ROBO2: variants seen among roughly 807,000 people sequenced by gnomAD.
The protein encoded by ROBO2 is roundabout homolog 2.
ROBO2 carries 53 observed loss-of-function variants against 160.8 expected under a neutral mutation model. The ratio of observed to expected loss-of-function variants is 0.33; its 90% CI spans 0.26 to 0.41. ROBO2 has a LOEUF of 0.41. Ranked by LOEUF, ROBO2 falls within the 10% of genes least tolerant of loss-of-function variation. The pLI is 1.00. For missense variants in ROBO2, 1,577 were observed against 1,722.4 expected, an observed-to-expected ratio of 0.92 and a Z score of 1.49; for synonymous variants, 664 against 611.7, an observed-to-expected ratio of 1.09 and a Z score of -1.26.
At chr3:76,217,494 C>G (rs937434789) in intron 2 of ROBO2, among the ~76,000 whole-genome samples, 1 of 152,074 alleles carries the variant, frequency 6.6e-6, no homozygotes, top group African/African-American at 2.4e-5. Flanking sequence ...ACCACCGATC[C>G]CACAGAAATA....
intron 2 of ROBO2, among the ~76,000 whole-genome samples, chr3:76,977,196 T>C (rs2059857764): frequency 6.6e-6 from 1 of 152,200 alleles, no homozygotes; most frequent in Admixed American, 6.5e-5. Flanking sequence ...TGTTGGCAGC[T>C]CATGATATAA....
chr3:77,502,390 A>G (rs1358739412), intron 5 of ROBO2, among the ~76,000 whole-genome samples: 1 of 152,206 alleles, frequency 6.6e-6, no homozygotes, highest in Non-Finnish European at 1.5e-5. Context: ...TATTATGTCA[A>G]ATAAAGAAGT....
chr3:77,459,712 G>A (rs1330037274), intron 2 of ROBO2, among the ~76,000 whole-genome samples: 2 of 152,094 alleles, frequency 1.3e-5, no homozygotes, highest in Non-Finnish European at 2.9e-5. Context: ...TAAAAGAACA[G>A]GAGAGGTGTA....
At chr3:76,283,497 C>T (rs1408172901) in intron 2 of ROBO2, among the ~76,000 whole-genome samples, 1 of 151,798 alleles carries the variant, frequency 6.6e-6, no homozygotes, top group Non-Finnish European at 1.5e-5. Flanking sequence ...CGTAAACAAC[C>T]TCAATCTTAA....
chr3:76,636,566 C>T (rs2090344305), intron 2 of ROBO2, among the ~76,000 whole-genome samples: 1 of 152,112 alleles, frequency 6.6e-6, no homozygotes, highest in South Asian at 2.1e-4. Flanking sequence ...CAGCAATGGT[C>T]CAAATTCACT....
intron 2 of ROBO2, among the ~76,000 whole-genome samples, chr3:76,223,728 C>T (rs1704121111): frequency 6.6e-6 from 1 of 152,160 alleles, no homozygotes; most frequent in Non-Finnish European, 1.5e-5. Flanking sequence ...AAGGCTCTCA[C>T]TCAGGGCACA....
chr3:77,188,880 T>C (rs1302686095), intron 2 of ROBO2, among the ~76,000 whole-genome samples: 1 of 151,682 alleles, frequency 6.6e-6, no homozygotes, highest in East Asian at 1.9e-4. Flanking sequence ...CAATGCTTGG[T>C]AGGAAATGAT....
intron 2 of ROBO2, among the ~76,000 whole-genome samples, chr3:76,747,584 T>A (rs1434855740): frequency 3.3e-5 from 5 of 151,890 alleles, no homozygotes; most frequent in Admixed American, 3.3e-4. Flanking sequence ...GGCAGTTGAG[T>A]CTATTCAAAA....
At chr3:77,177,750 A>C (rs1403451824) in intron 2 of ROBO2, among the ~76,000 whole-genome samples, 1 of 151,992 alleles carries the variant, frequency 6.6e-6, no homozygotes, top group Non-Finnish European at 1.5e-5. Context: ...TTTTTAATCA[A>C]TAGGCAAAAG....
At chr3:76,806,212 T>C (rs936817240) in intron 2 of ROBO2, among the ~76,000 whole-genome samples, 6 of 104,398 alleles carry the variant, frequency 5.7e-5, no homozygotes, top group Non-Finnish European at 9.4e-5. Flanking sequence ...ATTTTCTGTG[T>C]GCGTGTGTGT....
At chr3:76,618,421 G>A (rs2109198473) in intron 2 of ROBO2, among the ~76,000 whole-genome samples, 1 of 150,272 alleles carries the variant, frequency 6.7e-6, no homozygotes, top group South Asian at 2.1e-4. Context: ...AAAAAATTCA[G>A]GACATAGGAA....
intron 2 of ROBO2, among the ~76,000 whole-genome samples, chr3:76,999,811 G>A (rs1191270256): frequency 2.0e-5 from 3 of 152,202 alleles, no homozygotes; most frequent in Admixed American, 1.3e-4. Context: ...TTTGTAAGTA[G>A]GTACTTTCCA....
At position 77,249,076 on chromosome 3, in the gene ROBO2, T is replaced by G. The variant is rs565701088; in HGVS notation, c.388+150736T>G. On this transcript the variant is annotated intron_variant, in intron 2 of 25. Coordinates refer to ENST00000461745, the Ensembl canonical transcript of ROBO2. ...CATGTTGGCCAGGCTGGTCTCAAAC[T>G]CCCGACCTCAGGTGATCCACCAGCC... Among the ~76,000 whole-genome samples the G allele has an allele frequency of 5.3e-5, 8 of 152,108 alleles. No individual in the cohort carries two copies. In the South Asian group the frequency reaches 1.5e-3, roughly 28 times the overall value.
intron 2 of ROBO2, among the ~76,000 whole-genome samples, chr3:77,240,379 G>C (rs542383899): frequency 6.6e-6 from 1 of 152,134 alleles, no homozygotes; most frequent in Non-Finnish European, 1.5e-5. Context: ...CGCCCGCTCC[G>C]AGTGGGCCCG....
intron 2 of ROBO2, among the ~76,000 whole-genome samples, chr3:76,051,907 A>G (rs2067666305): frequency 1.3e-5 from 2 of 152,020 alleles, no homozygotes; most frequent in South Asian, 2.1e-4. Flanking sequence ...TTTCTCTTCA[A>G]TGAAGAAATC....
chr3:76,551,365 T>C (rs1254362200), intron 2 of ROBO2, among the ~76,000 whole-genome samples: 1 of 152,100 alleles, frequency 6.6e-6, no homozygotes, highest in African/African-American at 2.4e-5. Flanking sequence ...ACCTACCCAC[T>C]TCAGGTCTCC....
intron 2 of ROBO2, among the ~76,000 whole-genome samples, chr3:76,168,578 T>C (rs754459864): frequency 8.5e-5 from 13 of 152,154 alleles, no homozygotes; most frequent in Non-Finnish European, 1.9e-4. Flanking sequence ...TTAGGTCTCA[T>C]CATCCCTTAC....
At chr3:77,453,469 T>C (rs1560876814) in intron 2 of ROBO2, among the ~76,000 whole-genome samples, 2 of 152,094 alleles carry the variant, frequency 1.3e-5, no homozygotes, top group Non-Finnish European at 1.5e-5. Context: ...GTTTCCATTA[T>C]TGTTTTATTT....
intron 2 of ROBO2, among the ~76,000 whole-genome samples, chr3:77,198,737 T>C (rs1560214330): frequency 6.6e-6 from 1 of 151,992 alleles, no homozygotes; most frequent in Admixed American, 6.6e-5. Flanking sequence ...CCTGTCTCTA[T>C]TAAAGATACA....
Sources: allele counts gnomAD v4.1 joint callset (sites outside exome capture counted in the v4.1 genomes callset), GRCh38; gene constraint gnomAD v4.1.1; transcripts MANE v1.5; gene names NCBI Gene and HGNC (gene_info 2026-07-23, HGNC 2026-07-21).